FRMD4A: variants seen among roughly 807,000 people sequenced by gnomAD.
FRMD4A encodes the protein FERM domain-containing protein 4A.
A neutral mutation model predicts 129.1 loss-of-function variants in FRMD4A; 29 were observed. That is an observed-to-expected ratio of 0.22 (90% CI 0.17 to 0.31). FRMD4A has a LOEUF of 0.31. FRMD4A is among the 10% of genes least tolerant of loss of function. The probability of loss-of-function intolerance (pLI) is 1.00; values close to 1 mark genes in which losing one functional copy is unlikely to be tolerated. For missense variants in FRMD4A, 1,272 were observed against 1,375.8 expected, an observed-to-expected ratio of 0.92 and a Z score of 1.19; for synonymous variants, 634 against 571.6, an observed-to-expected ratio of 1.11 and a Z score of -1.56.
At chr10:13,647,260 A>C (rs116235340) in intron 24 of FRMD4A, 1 of 152,294 alleles carries the variant, frequency 6.6e-6, no homozygotes, top group Non-Finnish European at 1.5e-5. Context: ...AGCATTTGTG[A>C]AGGAGGAAAA....
intron 2 of FRMD4A, among the ~76,000 whole-genome samples, chr10:13,909,070 A>G (rs2094912689): frequency 1.3e-5 from 2 of 152,286 alleles, no homozygotes; most frequent in South Asian, 4.1e-4. Context: ...CACAGCCCTT[A>G]TCATCAGTTT....
At chr10:13,660,574 AG>A (rs1438561492) in intron 19 of FRMD4A, 21 bp from the exon 20 acceptor site, 1 of 1,461,192 alleles carries the variant, frequency 6.8e-7, no homozygotes, top group Non-Finnish European at 9.5e-7. Context: ...ACAGGAAGAG[AG>A]GAACTGAGCC....
intron 2 of FRMD4A, among the ~76,000 whole-genome samples, chr10:14,173,934 G>C (rs1236572624): frequency 1.3e-5 from 2 of 152,022 alleles, no homozygotes; most frequent in South Asian, 4.2e-4. Flanking sequence ...CAAAAGCTCC[G>C]TGAGCCTCCT....
At chr10:13,836,175 T>A (rs952075928) in intron 3 of FRMD4A, among the ~76,000 whole-genome samples, 7 of 152,206 alleles carry the variant, frequency 4.6e-5, no homozygotes, top group Admixed American at 6.5e-5. Context: ...TTTCTGTATT[T>A]GTAGTAGAGA....
chr10:13,707,563 G>T (rs781457690), intron 12 of FRMD4A: 1 of 992,218 alleles, frequency 1.0e-6, no homozygotes, highest in African/African-American at 1.7e-5. Context: ...GTGGAGTGCT[G>T]AACTGAGCTT....
intron 2 of FRMD4A, among the ~76,000 whole-genome samples, chr10:14,286,359 C>A (rs1265719517): frequency 2.0e-5 from 3 of 152,120 alleles, no homozygotes. Context: ...CTCCCGTGTC[C>A]CTCAGCAATA....
chr10:14,048,580 C>T (rs1274237156), intron 2 of FRMD4A, among the ~76,000 whole-genome samples: 2 of 151,924 alleles, frequency 1.3e-5, no homozygotes, highest in Non-Finnish European at 2.9e-5. Context: ...CGAAGGCAGG[C>T]GGATCACTTG....
chr10:13,653,391 G>T (rs999546379), intron 23 of FRMD4A: 1 of 152,290 alleles, frequency 6.6e-6, no homozygotes, highest in East Asian at 1.9e-4. Context: ...TAGTAATCCC[G>T]GCTACTAGGA....
At chr10:13,903,930 T>C (rs966226990) in intron 2 of FRMD4A, among the ~76,000 whole-genome samples, 1 of 152,144 alleles carries the variant, frequency 6.6e-6, no homozygotes, top group Non-Finnish European at 1.5e-5. Flanking sequence ...GAATGGACAT[T>C]CTTGGATGTA....
Position 13,701,367 on chromosome 10 carries a change from C to G in FRMD4A, c.948G>C (p.Gln316His), listed in dbSNP as rs757880999. Residue 316 changes from glutamine (Q) to histidine (H), a missense_variant, in exon 14 of 25, where the codon CAG becomes CAC. Coordinates refer to ENST00000357447, the MANE Select transcript of FRMD4A (RefSeq NM_018027.5). ...SIWAMAISQH[Q>H]FYLDRKQSKS... ...TACTCTGCTTTCTGTCCAGATAGAA[C>G]TGGTGTTGGCTTATGGCCATAGCCC... 1 of 1,614,058 alleles carries G rather than the reference C, an allele frequency of 6.2e-7. No homozygotes were observed. Among genetic ancestry groups the G allele is most frequent in the Non-Finnish European group, 8.5e-7 (1 of 1,179,928 alleles).
chr10:13,716,738 AAG>A (rs2088846648), intron 12 of FRMD4A, among the ~76,000 whole-genome samples: 1 of 152,160 alleles, frequency 6.6e-6, no homozygotes, highest in Non-Finnish European at 1.5e-5. Flanking sequence ...AAAAGGGAGA[AAG>A]AGGTTAACAA....
At chr10:14,048,701 G>A (rs1445054426) in intron 2 of FRMD4A, among the ~76,000 whole-genome samples, 4 of 152,124 alleles carry the variant, frequency 2.6e-5, no homozygotes, top group African/African-American at 9.7e-5. Flanking sequence ...AGCTACTTGG[G>A]AGGCTGAGGC....
intron 2 of FRMD4A, among the ~76,000 whole-genome samples, chr10:14,094,946 GGT>G (rs1819668669): frequency 6.6e-6 from 1 of 152,030 alleles, no homozygotes; most frequent in Admixed American, 6.6e-5. Context: ...TATGTATGTG[GGT>G]GTGTGTCAAC....
At chr10:14,067,811 C>A (rs368554150) in intron 2 of FRMD4A, among the ~76,000 whole-genome samples, 2 of 152,078 alleles carry the variant, frequency 1.3e-5, no homozygotes, top group East Asian at 3.9e-4. Flanking sequence ...AGCGAGACTC[C>A]GTCTCAAAAC....
intron 2 of FRMD4A, among the ~76,000 whole-genome samples, chr10:14,003,068 A>G (rs1372557916): frequency 6.6e-6 from 1 of 152,158 alleles, no homozygotes; most frequent in Non-Finnish European, 1.5e-5. Flanking sequence ...GAGTGACACA[A>G]TCACCCCTCG....
At chr10:13,663,246 A>G (rs2082772767) in intron 19 of FRMD4A, among the ~76,000 whole-genome samples, 1 of 152,154 alleles carries the variant, frequency 6.6e-6, no homozygotes, top group Admixed American at 6.5e-5. Context: ...CTCACTGATG[A>G]AAAGCTCTAA....
At chr10:13,691,900 G>A (rs1564621969) in intron 15 of FRMD4A, among the ~76,000 whole-genome samples, 1 of 152,194 alleles carries the variant, frequency 6.6e-6, no homozygotes, top group African/African-American at 2.4e-5. Flanking sequence ...GGGAGCGGCT[G>A]TAATTCGAGG....
chr10:13,671,024 T>G (rs1245019854), intron 16 of FRMD4A, among the ~76,000 whole-genome samples: 1 of 152,048 alleles, frequency 6.6e-6, no homozygotes, highest in Non-Finnish European at 1.5e-5. Flanking sequence ...ACAAGAGGAG[T>G]GGTATCTATA....
intron 2 of FRMD4A, among the ~76,000 whole-genome samples, chr10:14,300,838 A>G (rs1846159712): frequency 6.6e-6 from 1 of 152,112 alleles, no homozygotes; most frequent in African/African-American, 2.4e-5. Context: ...CTAAAGAGAG[A>G]TCTCACCTTT....
Sources: gnomAD v4.1 joint callset for allele counts (sites outside exome capture counted in the v4.1 genomes callset) on GRCh38, gnomAD v4.1.1 for gene constraint, MANE v1.5 for transcripts, NCBI Gene and HGNC (gene_info 2026-07-23, HGNC 2026-07-21) for gene names.